The following PPP2R3A variants were observed in gnomAD, a reference collection of about 807,000 sequenced individuals.
The protein encoded by PPP2R3A is serine/threonine-protein phosphatase 2A regulatory subunit B'' subunit alpha.
A neutral mutation model predicts 106.9 loss-of-function variants in PPP2R3A; 80 were observed. That is an observed-to-expected ratio of 0.75 (90% CI 0.62 to 0.90). The LOEUF (loss-of-function observed/expected upper bound fraction) is 0.90, where lower values mean the gene tolerates loss of function less well. PPP2R3A is among the 40% of genes least tolerant of loss of function. The pLI is 0.00. For synonymous variants in PPP2R3A, 483 were observed against 468.3 expected (o/e 1.03, Z -0.41); for missense variants, 1,386 against 1,350.4 (o/e 1.03, Z -0.41).
intron 3 of PPP2R3A, among the ~76,000 whole-genome samples, chr3:136,039,241 C>T (rs889183760): frequency 3.3e-5 from 5 of 152,212 alleles, no homozygotes; most frequent in Non-Finnish European, 7.4e-5. Context: ...ATGATGAGGG[C>T]GCAACAGATC....
intron 5 of PPP2R3A, 67 bp from the exon 6 acceptor site, chr3:136,070,411 G>A (rs1359276323): frequency 1.5e-6 from 2 of 1,333,312 alleles, no homozygotes; most frequent in African/African-American, 1.5e-5. Flanking sequence ...CATACAGGAA[G>A]GAAAAACTTC....
chr3:136,107,507 G>C (rs1217407799), intron 13 of PPP2R3A, among the ~76,000 whole-genome samples: 1 of 141,684 alleles, frequency 7.1e-6, no homozygotes, highest in Non-Finnish European at 1.5e-5. Context: ...TCAGCCTCCT[G>C]AGGCATAGAG....
intron 1 of PPP2R3A, among the ~76,000 whole-genome samples, chr3:135,983,053 G>A (rs1425386602): frequency 6.6e-6 from 1 of 152,164 alleles, no homozygotes; most frequent in Non-Finnish European, 1.5e-5. Context: ...AGTCTTGCTT[G>A]GTTAAATAGA....
chr3:136,145,282 A>G lies in PPP2R3A; in HGVS notation c.*116A>G. The G allele has an allele frequency of 7.6e-7, 1 of 1,311,990 alleles. No homozygotes were observed. The highest frequency in any genetic ancestry group is 1.0e-6 in the Non-Finnish European group (1 of 983,758). The allele number at this position is 1,311,990 out of a possible 1,614,324, so 81.3% of individuals were successfully genotyped here. On this transcript the variant is annotated 3_prime_UTR_variant, in exon 14 of 14. Coordinates refer to ENST00000264977, the MANE Select transcript of PPP2R3A (RefSeq NM_002718.5). ...ACTTTGATTTCTCCAAGTGTGTATC[A>G]TCTGCACTAGGAACTTTGTTTTTAA...
rs371833413 is a variant in PPP2R3A, at chr3:136,045,027, A to G, written c.2366+4065A>G. On this transcript the variant is annotated intron_variant, in intron 4 of 13. Coordinates refer to ENST00000264977, the MANE Select transcript of PPP2R3A (RefSeq NM_002718.5). ...AGGCACCTATCCCCCAAGGCTCTCC[A>G]TATTCCTCTAAGAGGCTCTAACCTT... is the stretch of plus-strand genomic sequence containing the variant. Among the ~76,000 whole-genome samples the G allele has an allele frequency of 1.1e-4, 16 of 152,292 alleles. No individual in the cohort carries two copies. In the East Asian group the frequency reaches 3.1e-3, roughly 29 times the overall value.
intron 13 of PPP2R3A, among the ~76,000 whole-genome samples, chr3:136,123,578 A>G (rs1443325266): frequency 1.3e-5 from 2 of 152,190 alleles, no homozygotes; most frequent in African/African-American, 2.4e-5. Context: ...TGTTTTATAA[A>G]TAGGGTTCTT....
chr3:136,077,243 A>T (rs1321602405), intron 6 of PPP2R3A, among the ~76,000 whole-genome samples: 1 of 152,094 alleles, frequency 6.6e-6, no homozygotes, highest in Non-Finnish European at 1.5e-5. Flanking sequence ...TGAAATCTAG[A>T]CCTTCATCCT....
chr3:136,140,628 A>G (rs1435668176), intron 13 of PPP2R3A, among the ~76,000 whole-genome samples: 1 of 151,900 alleles, frequency 6.6e-6, no homozygotes, highest in African/African-American at 2.4e-5. Context: ...CATGCCTGTA[A>G]TCGCAGCTAC....
chr3:136,019,217 T>G (rs1934379266), intron 2 of PPP2R3A, among the ~76,000 whole-genome samples: 1 of 152,216 alleles, frequency 6.6e-6, no homozygotes, highest in Non-Finnish European at 1.5e-5. Flanking sequence ...CTTAATTATA[T>G]GCTGCAGGGA....
At chr3:136,144,177 T>C (rs1382493254) in intron 13 of PPP2R3A, among the ~76,000 whole-genome samples, 1 of 152,178 alleles carries the variant, frequency 6.6e-6, no homozygotes, top group African/African-American at 2.4e-5. Context: ...CAGCAACACC[T>C]AAAAGGTTTA....
At chr3:136,117,140 G>A (rs1937797747) in intron 13 of PPP2R3A, among the ~76,000 whole-genome samples, 1 of 152,140 alleles carries the variant, frequency 6.6e-6, no homozygotes, top group Admixed American at 6.5e-5. Context: ...AATGACTACT[G>A]GGTAAATAAC....
chr3:136,092,023 T>C (rs114051241), intron 10 of PPP2R3A, among the ~76,000 whole-genome samples: 3,527 of 152,260 alleles, frequency 0.023, 54 homozygotes, highest in South Asian at 0.04. Flanking sequence ...GTCTTGTTGG[T>C]ACTCAAAAAG....
chr3:136,107,903 A>G (rs915321511), intron 13 of PPP2R3A, among the ~76,000 whole-genome samples: 1 of 152,154 alleles, frequency 6.6e-6, no homozygotes, highest in Admixed American at 6.5e-5. Flanking sequence ...AGAAGCAACA[A>G]TGCTGCAGTT....
At chr3:136,006,780 T>G (rs1004534667) in intron 2 of PPP2R3A, among the ~76,000 whole-genome samples, 1 of 152,230 alleles carries the variant, frequency 6.6e-6, no homozygotes, top group Non-Finnish European at 1.5e-5. Flanking sequence ...AGAGACTATA[T>G]AGATATATAT....
chr3:136,007,870 GTTTA>G (rs1027908810), intron 2 of PPP2R3A, among the ~76,000 whole-genome samples: 29 of 152,242 alleles, frequency 1.9e-4, no homozygotes, highest in African/African-American at 6.5e-4. Context: ...ACAATTGTTT[GTTTA>G]TTTGTTTTTG....
At chr3:135,994,655 GA>G (rs1933314399) in intron 1 of PPP2R3A, among the ~76,000 whole-genome samples, 1 of 152,110 alleles carries the variant, frequency 6.6e-6, no homozygotes, top group Non-Finnish European at 1.5e-5. Context: ...CTAGGTTTTT[GA>G]AGATGGAGTT....
intron 13 of PPP2R3A, among the ~76,000 whole-genome samples, chr3:136,135,022 T>C (rs1288831257): frequency 2.0e-5 from 3 of 152,128 alleles, no homozygotes; most frequent in Non-Finnish European, 4.4e-5. Flanking sequence ...ACTAGTGGCA[T>C]CTAAAGAGAA....
At position 136,049,253 on chromosome 3, in the gene PPP2R3A, T is replaced by C; in HGVS notation, c.2367-6T>C. 1 of 1,601,736 alleles carries C rather than the reference T, an allele frequency of 6.2e-7. No individual in the cohort carries two copies. Among genetic ancestry groups the C allele is most frequent in the Non-Finnish European group, 8.5e-7 (1 of 1,171,984 alleles). ...TAATCTTCCTAAGCAGTTGTTTCTTTTATAGGTTGCTGAATAACCATCATG... is the reference window on the plus strand; with the variant it reads ...TAATCTTCCTAAGCAGTTGTTTCTTCTATAGGTTGCTGAATAACCATCATG... On this transcript the variant is annotated splice_polypyrimidine_tract_variant and splice_region_variant and intron_variant, in intron 4 of 13. Coordinates refer to ENST00000264977, the MANE Select transcript of PPP2R3A (RefSeq NM_002718.5).
intron 2 of PPP2R3A, among the ~76,000 whole-genome samples, chr3:136,017,805 T>G (rs963558862): frequency 2.0e-5 from 3 of 152,228 alleles, no homozygotes; most frequent in Non-Finnish European, 4.4e-5. Context: ...TGAGCTGATT[T>G]CCCAGCCTCA....
Sources: gnomAD v4.1 joint callset for allele counts (sites outside exome capture counted in the v4.1 genomes callset) on GRCh38, gnomAD v4.1.1 for gene constraint, MANE v1.5 for transcripts, NCBI Gene and HGNC (gene_info 2026-07-23, HGNC 2026-07-21) for gene names.